FGF14: variants seen among roughly 807,000 people sequenced by gnomAD.
FGF14 encodes the protein fibroblast growth factor 14, also known as fibroblast growth factor homologous factor 4.
FGF14 carries 5 observed loss-of-function variants against 25.5 expected under a neutral mutation model. The ratio of observed to expected loss-of-function variants is 0.20; its 90% CI spans 0.10 to 0.41. The LOEUF (loss-of-function observed/expected upper bound fraction) is 0.41. Among genes scored for constraint, FGF14 ranks in the 10% least tolerant of loss-of-function variants. The probability of loss-of-function intolerance (pLI) is 1.00; values close to 1 mark genes in which losing one functional copy is unlikely to be tolerated. For synonymous variants in FGF14, 138 were observed against 118.3 expected (o/e 1.17, Z -1.08); for missense variants, 222 against 320.1 (o/e 0.69, Z 2.34).
chr13:102,201,826 G>A (rs1200725590), intron 1 of FGF14, among the ~76,000 whole-genome samples: 1 of 152,168 alleles, frequency 6.6e-6, no homozygotes, highest in Non-Finnish European at 1.5e-5. Flanking sequence ...TCTGTTACTG[G>A]GGGACGGACA....
At position 102,151,316 on chromosome 13, in the gene FGF14, G is replaced by A. The variant is rs149421299; in HGVS notation, c.208+250155C>T. Among the ~76,000 whole-genome samples the A allele has an allele frequency of 4.8e-3, 724 of 152,220 alleles. 5 individuals carry two copies. Among genetic ancestry groups the A allele is most frequent in the African/African-American group, 0.015 (612 of 41,538 alleles). ...TTATGTGATGCTGGGGGTATCCAGCGTACCCCAAGTAAGACCCAAAGTACC... is the reference window on the plus strand; with the variant it reads ...TTATGTGATGCTGGGGGTATCCAGCATACCCCAAGTAAGACCCAAAGTACC... On this transcript the variant is annotated intron_variant, in intron 1 of 4. Coordinates refer to the FGF14 transcript ENST00000376131.
chr13:101,960,590 C>A (rs1038725308), intron 1 of FGF14, among the ~76,000 whole-genome samples: 11 of 152,192 alleles, frequency 7.2e-5, no homozygotes, highest in Admixed American at 2.0e-4. Flanking sequence ...TCTAGTCCAT[C>A]ACTGATGGGC....
chr13:101,925,760 T>C lies in FGF14; in HGVS notation c.209-50464A>G, dbSNP rs147407898. On this transcript the variant is annotated intron_variant, in intron 1 of 4. Transcript: ENST00000376131. ...CTTCTGTAACAAATTAGCATAAACT[T>C]AGTTGCTTTTAAAAATACACATTTA... 2.0e-5 allele frequency among the ~76,000 whole-genome samples: 3 copies of C among 152,326 alleles called. No individual in the cohort carries two copies. In the East Asian group the frequency reaches 5.8e-4, roughly 29 times the overall value.
intron 1 of FGF14, among the ~76,000 whole-genome samples, chr13:102,357,421 G>A (rs1013436171): frequency 6.6e-6 from 1 of 151,946 alleles, no homozygotes; most frequent in Non-Finnish European, 1.5e-5. Flanking sequence ...AGTAGCCAAG[G>A]TCCAGAAATA....
At chr13:101,867,928 ACACACACGCG>A (rs1566345322) in intron 3 of FGF14, among the ~76,000 whole-genome samples, 2 of 147,374 alleles carry the variant, frequency 1.4e-5, no homozygotes, top group Non-Finnish European at 3.0e-5. Context: ...ACACACACAC[ACACACACGCG>A]CACACACACA....
chr13:101,787,325 C>T (rs1290507962), intron 3 of FGF14, among the ~76,000 whole-genome samples: 2 of 152,166 alleles, frequency 1.3e-5, no homozygotes, highest in East Asian at 1.9e-4. Flanking sequence ...ATAGCTGTCA[C>T]TGTCCATTTT....
chr13:101,962,174 T>C (rs1255753655), intron 1 of FGF14, among the ~76,000 whole-genome samples: 1 of 152,236 alleles, frequency 6.6e-6, no homozygotes, highest in Non-Finnish European at 1.5e-5. Context: ...TTTCAAGATA[T>C]TGATTCTTAC....
At chr13:102,238,081 G>T (rs1435199399) in intron 1 of FGF14, among the ~76,000 whole-genome samples, 1 of 152,052 alleles carries the variant, frequency 6.6e-6, no homozygotes, top group Non-Finnish European at 1.5e-5. Context: ...TATTATCATT[G>T]AATTTGTGTC....
At chr13:102,074,315 G>A (rs2140164656) in intron 1 of FGF14, among the ~76,000 whole-genome samples, 1 of 152,274 alleles carries the variant, frequency 6.6e-6, no homozygotes, top group East Asian at 1.9e-4. Context: ...GCCCAGCAGG[G>A]CTATTCTTTA....
chr13:102,251,918 C>T (rs2052196153), intron 1 of FGF14, among the ~76,000 whole-genome samples: 2 of 152,186 alleles, frequency 1.3e-5, no homozygotes, highest in Non-Finnish European at 2.9e-5. Flanking sequence ...TTTATGAATC[C>T]AGAGAACTCA....
At chr13:101,985,672 T>A (rs1301033630) in intron 1 of FGF14, among the ~76,000 whole-genome samples, 2 of 152,162 alleles carry the variant, frequency 1.3e-5, no homozygotes, top group African/African-American at 4.8e-5. Context: ...CATCTTTATC[T>A]CTCGCTCTTT....
intron 1 of FGF14, among the ~76,000 whole-genome samples, chr13:102,268,319 T>C (rs574700175): frequency 1.3e-5 from 2 of 152,240 alleles, no homozygotes; most frequent in South Asian, 4.1e-4. Flanking sequence ...AAAAAAACTT[T>C]TTCCTTATTG....
chr13:102,270,349 T>C (rs1249389276), intron 1 of FGF14, among the ~76,000 whole-genome samples: 3 of 152,172 alleles, frequency 2.0e-5, no homozygotes, highest in African/African-American at 4.8e-5. Flanking sequence ...CCTATGTTAC[T>C]ACACAATTTT....
intron 1 of FGF14, among the ~76,000 whole-genome samples, chr13:102,286,863 C>T (rs1038436285): frequency 1.1e-4 from 17 of 151,938 alleles, no homozygotes; most frequent in Admixed American, 1.1e-3. Context: ...CTAAAGAAGG[C>T]AAACATTTTC....
At chr13:101,979,526 G>T (rs2038124019) in intron 1 of FGF14, among the ~76,000 whole-genome samples, 1 of 152,124 alleles carries the variant, frequency 6.6e-6, no homozygotes, top group Non-Finnish European at 1.5e-5. Flanking sequence ...TGGGCACCAT[G>T]ATTTACATCA....
intron 1 of FGF14, among the ~76,000 whole-genome samples, chr13:102,261,892 C>T (rs933848864): frequency 7.2e-5 from 11 of 152,086 alleles, no homozygotes; most frequent in African/African-American, 2.7e-4. Context: ...GTGTGATCAC[C>T]TAAAATGCTT....
intron 1 of FGF14, among the ~76,000 whole-genome samples, chr13:102,071,991 ATATAAATAGCAAGGACTCTATT>A (rs2043174371): frequency 6.6e-6 from 1 of 152,238 alleles, no homozygotes; most frequent in Non-Finnish European, 1.5e-5. Flanking sequence ...TAAATGGAAA[ATATAAATAGCAAGGACTCTATT>A]TATACCACCG....
intron 3 of FGF14, among the ~76,000 whole-genome samples, chr13:101,859,511 G>A (rs2044299320): frequency 6.6e-6 from 1 of 152,084 alleles, no homozygotes; most frequent in South Asian, 2.1e-4. Context: ...AATATTTGCT[G>A]AAAGAGCAAA....
chr13:102,069,866 G>A (rs556755234), intron 1 of FGF14, among the ~76,000 whole-genome samples: 48 of 152,306 alleles, frequency 3.2e-4, no homozygotes, highest in African/African-American at 1.1e-3. Flanking sequence ...CCAGCACTTT[G>A]GGAGGCTGAG....
Sources: gnomAD v4.1 joint callset for allele counts (sites outside exome capture counted in the v4.1 genomes callset) on GRCh38, gnomAD v4.1.1 for gene constraint, MANE v1.5 for transcripts, NCBI Gene and HGNC (gene_info 2026-07-23, HGNC 2026-07-21) for gene names.